CNTNAP5: variants seen among roughly 807,000 people sequenced by gnomAD.
CNTNAP5 encodes the protein contactin-associated protein-like 5.
A neutral mutation model predicts 150.2 loss-of-function variants in CNTNAP5; 72 were observed. That is an observed-to-expected ratio of 0.48 (90% CI 0.40 to 0.58). The LOEUF is 0.58. CNTNAP5 is among the 20% of genes least tolerant of loss of function. CNTNAP5 has a pLI of 0.00. For missense variants in CNTNAP5, 1,636 were observed against 1,626.2 expected (o/e 1.01, Z -0.10); for synonymous variants, 672 against 619.8 (o/e 1.08, Z -1.25).
intron 3 of CNTNAP5, among the ~76,000 whole-genome samples, chr2:124,414,709 G>T (rs1295176680): frequency 6.7e-6 from 1 of 149,296 alleles, no homozygotes; most frequent in Non-Finnish European, 1.5e-5. Flanking sequence ...TAAGATGTGT[G>T]TATGTGTGTG....
At chr2:124,062,839 A>G (rs749488571) in intron 1 of CNTNAP5, among the ~76,000 whole-genome samples, 30 of 152,064 alleles carry the variant, frequency 2.0e-4, no homozygotes, top group Non-Finnish European at 2.9e-4. Context: ...GTTTAACAGG[A>G]AAGAAAGACA....
chr2:124,785,041 G>GGAAA (rs1681533976), intron 17 of CNTNAP5, among the ~76,000 whole-genome samples: 1 of 123,524 alleles, frequency 8.1e-6, no homozygotes, highest in Admixed American at 8.7e-5. Flanking sequence ...TTAAGGCTGA[G>GGAAA]AAAAAAAAAA....
At chr2:124,862,520 G>A (rs1677547617) in intron 19 of CNTNAP5, among the ~76,000 whole-genome samples, 1 of 152,182 alleles carries the variant, frequency 6.6e-6, no homozygotes, top group South Asian at 2.1e-4. Flanking sequence ...CGAGGGGGTA[G>A]AGGAAGGCCT....
intron 5 of CNTNAP5, among the ~76,000 whole-genome samples, chr2:124,446,277 C>T (rs1422260947): frequency 6.6e-6 from 1 of 152,102 alleles, no homozygotes; most frequent in African/African-American, 2.4e-5. Flanking sequence ...AGGTACTCAG[C>T]CATGACATAT....
chr2:124,552,843 T>A (rs1477314567), intron 10 of CNTNAP5, among the ~76,000 whole-genome samples: 1 of 152,206 alleles, frequency 6.6e-6, no homozygotes, highest in East Asian at 1.9e-4. Context: ...ATTGAAGGAC[T>A]TTCCAATCTC....
intron 2 of CNTNAP5, among the ~76,000 whole-genome samples, chr2:124,232,790 T>A (rs1352659276): frequency 2.6e-5 from 4 of 152,156 alleles, no homozygotes; most frequent in Admixed American, 6.5e-5. Context: ...TTCTAATGAA[T>A]CTTTTCTACA....
At chr2:124,614,122 G>T (rs1448801712) in intron 12 of CNTNAP5, among the ~76,000 whole-genome samples, 1 of 152,152 alleles carries the variant, frequency 6.6e-6, no homozygotes, top group East Asian at 1.9e-4. Context: ...ATATAAATTT[G>T]GGCATTGTGG....
chr2:124,674,620 TACA>T (rs1385461122), intron 13 of CNTNAP5, among the ~76,000 whole-genome samples: 1 of 150,810 alleles, frequency 6.6e-6, no homozygotes, highest in Non-Finnish European at 1.5e-5. Flanking sequence ...TACAGGCATT[TACA>T]ACAATAGATT....
chr2:124,567,864 GATAGAT>G (rs1696064853), intron 11 of CNTNAP5, among the ~76,000 whole-genome samples: 2 of 142,510 alleles, frequency 1.4e-5, no homozygotes, highest in African/African-American at 2.8e-5. Flanking sequence ...TAGATAGATA[GATAGAT>G]AGATAGATAG....
chr2:124,798,268 C>G lies in CNTNAP5; in HGVS notation c.3165C>G (p.Leu1055=). 1.2e-6 allele frequency: 2 copies of G among 1,613,912 alleles called. No homozygotes were observed. The highest frequency in any genetic ancestry group is 8.5e-7 in the Non-Finnish European group (1 of 1,179,824). Residue 1055 remains leucine (L), a synonymous_variant, in exon 19 of 24, where the codon CTC becomes CTG. Transcript: ENST00000682447. ...CAACCCAGGCACCCAGTCTTTTGCT[C>G]TTTATCAATTCTTCTTCTCAGGACT... ...FVTTQAPSLL[L]FINSSSQDFV...
chr2:124,320,479 G>T (rs938026695), intron 3 of CNTNAP5, among the ~76,000 whole-genome samples: 1 of 152,038 alleles, frequency 6.6e-6, no homozygotes, highest in South Asian at 2.1e-4. Flanking sequence ...CCCAAGTCCC[G>T]CATTTACTGC....
intron 7 of CNTNAP5, among the ~76,000 whole-genome samples, chr2:124,489,201 T>G (rs574263422): frequency 3.3e-5 from 5 of 152,214 alleles, no homozygotes; most frequent in Admixed American, 6.5e-5. Context: ...ATTAGTCTGC[T>G]CTCACTGCCA....
rs980823434 is a variant in CNTNAP5 at position 124,451,336 on chromosome 2, C to A, written c.918+4399C>A. 2.6e-5 allele frequency among the ~76,000 whole-genome samples: 4 copies of A among 151,638 alleles called. No individual in the cohort carries two copies. In the South Asian group the frequency reaches 8.3e-4, roughly 32 times the overall value. ...TTTCACAGAAGTTTTAAATAGAGAT[C>A]ATATTTTTTAAACGTAAGAGTGCTG... On this transcript the variant is annotated intron_variant, in intron 6 of 23. Transcript: ENST00000682447.
At chr2:124,759,252 C>A (rs1680905081) in intron 14 of CNTNAP5, among the ~76,000 whole-genome samples, 1 of 150,978 alleles carries the variant, frequency 6.6e-6, no homozygotes, top group Admixed American at 6.6e-5. Flanking sequence ...GGTGTATAGT[C>A]TAATAGTTTT....
At chr2:124,597,465 T>G (rs1171141292) in intron 11 of CNTNAP5, among the ~76,000 whole-genome samples, 2 of 149,788 alleles carry the variant, frequency 1.3e-5, no homozygotes, top group Non-Finnish European at 3.0e-5. Flanking sequence ...ATGTTGAATA[T>G]TGGCCCCCAC....
chr2:124,427,826 G>A (rs1416209906), intron 4 of CNTNAP5, among the ~76,000 whole-genome samples: 1 of 151,974 alleles, frequency 6.6e-6, no homozygotes, highest in African/African-American at 2.4e-5. Context: ...CCGACCTGTT[G>A]AATCCCCACT....
chr2:124,687,952 C>T (rs1679226445), intron 13 of CNTNAP5, among the ~76,000 whole-genome samples: 1 of 152,002 alleles, frequency 6.6e-6, no homozygotes, highest in Admixed American at 6.6e-5. Context: ...TTTACTAGTA[C>T]TAATTCTGAA....
chr2:124,678,375 G>A (rs374274562), intron 13 of CNTNAP5, among the ~76,000 whole-genome samples: 4 of 151,776 alleles, frequency 2.6e-5, no homozygotes, highest in East Asian at 3.9e-4. Flanking sequence ...ATTTCAGGAC[G>A]TTCCTGTCTA....
chr2:124,822,243 G>A (rs1307083069), intron 19 of CNTNAP5, among the ~76,000 whole-genome samples: 1 of 152,114 alleles, frequency 6.6e-6, no homozygotes, highest in Non-Finnish European at 1.5e-5. Flanking sequence ...CCTCTTGGAA[G>A]GGGGTTGGTG....
Sources: allele counts gnomAD v4.1 joint callset (sites outside exome capture counted in the v4.1 genomes callset), GRCh38; gene constraint gnomAD v4.1.1; transcripts MANE v1.5; gene names NCBI Gene and HGNC (gene_info 2026-07-23, HGNC 2026-07-21).